The following RAB14 variants were observed in gnomAD, a reference collection of about 807,000 sequenced individuals.
The protein encoded by RAB14 is ras-related protein Rab-14.
Under a neutral mutation model 31.1 loss-of-function variants are expected in RAB14, and 3 were observed. The observed-to-expected ratio is 0.10, with a 90% CI of 0.04 to 0.25. The LOEUF (loss-of-function observed/expected upper bound fraction) is 0.25. Among genes scored for constraint, RAB14 ranks in the 10% least tolerant of loss-of-function variants. The pLI is 1.00. For synonymous variants in RAB14, 85 were observed against 84.9 expected (o/e 1.00, Z 0.00); for missense variants, 111 against 260.1 (o/e 0.43, Z 3.94).
At chr9:121,201,140 G>A (rs922109927) in intron 1 of RAB14, among the ~76,000 whole-genome samples, 2 of 152,108 alleles carry the variant, frequency 1.3e-5, no homozygotes, top group Non-Finnish European at 2.9e-5. Context: ...GACGCCAAGA[G>A]GGCTGCGAAG....
intron 5 of RAB14, among the ~76,000 whole-genome samples, chr9:121,184,988 A>C (rs184165862): frequency 6.0e-4 from 91 of 152,340 alleles, no homozygotes; most frequent in Non-Finnish European, 1.2e-3. Context: ...ATAAAGTGGC[A>C]TGCTAATTAC....
At chr9:121,182,413 TCAC>T (rs2053638249) in intron 7 of RAB14, among the ~76,000 whole-genome samples, 1 of 152,348 alleles carries the variant, frequency 6.6e-6, no homozygotes, top group South Asian at 2.1e-4. Context: ...TAGCCTCTCC[TCAC>T]CACAAGAAAT....
intron 4 of RAB14, among the ~76,000 whole-genome samples, chr9:121,187,602 G>A (rs1355084111): frequency 2.0e-5 from 3 of 151,984 alleles, no homozygotes; most frequent in Admixed American, 2.0e-4. Flanking sequence ...CCAGATATCA[G>A]TGAAAAAGTT....
chr9:121,198,614 C>T (rs961393065), intron 1 of RAB14, among the ~76,000 whole-genome samples: 2 of 152,082 alleles, frequency 1.3e-5, no homozygotes, highest in Admixed American at 6.5e-5. Context: ...TTAACATGCA[C>T]GACGTTTTGT....
At chr9:121,201,198 C>T (rs2053771353) in intron 1 of RAB14, among the ~76,000 whole-genome samples, 1 of 152,206 alleles carries the variant, frequency 6.6e-6, no homozygotes, top group African/African-American at 2.4e-5. Context: ...GACGGGACCG[C>T]CACGTCTGGG....
Position 121,181,281 on chromosome 9 carries a change from TC to T in RAB14, c.*114del. 8.8e-7 allele frequency: 1 copy of T among 1,133,062 alleles called. No individual in the cohort carries two copies. The highest frequency in any genetic ancestry group is 2.5e-5 in the East Asian group (1 of 39,702). 70.2% of individuals were successfully genotyped at this position (1,133,062 alleles called of 1,614,324 possible). ...AAACTGTTTTTACAACAGAGTTTTT[TC>T]TTTTTTTTTAATTAAACCCAGTAAG... On this transcript the variant is annotated 3_prime_UTR_variant, in exon 8 of 8. Coordinates refer to ENST00000373840, the MANE Select transcript of RAB14 (RefSeq NM_016322.4).
chr9:121,181,705 C>T lies in RAB14; in HGVS notation c.471-132G>A. On this transcript the variant is annotated intron_variant, in intron 7 of 7. Transcript: ENST00000373840. ...ACCACTGTCATCTAATAAGAGATTACCAGAACACTGAGCTAAGAGAACATG... is the reference window on the plus strand; with the variant it reads ...ACCACTGTCATCTAATAAGAGATTATCAGAACACTGAGCTAAGAGAACATG... 3 of 527,544 alleles carry T rather than the reference C, an allele frequency of 5.7e-6. No homozygotes were observed. The South Asian group carries it at 1.3e-4, about 24-fold the overall frequency. The allele number at this position is 527,544 out of a possible 1,614,324, so 32.7% of individuals were successfully genotyped here.
intron 3 of RAB14, among the ~76,000 whole-genome samples, chr9:121,191,566 A>T (rs1219638442): frequency 6.6e-6 from 1 of 152,180 alleles, no homozygotes; most frequent in Non-Finnish European, 1.5e-5. Context: ...TAACAAATTT[A>T]TTAGTCCTTT....
rs553424692 is a variant in RAB14, at chr9:121,180,296, T to C, written c.*1100A>G. On this transcript the variant is annotated 3_prime_UTR_variant, in exon 8 of 8. Transcript: ENST00000373840. ...TCCAAGAAGATAAAGGTATAAAAGC[T>C]TAAAATGTGCAATAGTAAACCCAGC... 6.5e-6 allele frequency: 1 copy of C among 152,804 alleles called. No individual in the cohort carries two copies. The highest frequency in any genetic ancestry group is 2.4e-5 in the African/African-American group (1 of 41,586). 9.5% of individuals were successfully genotyped at this position (152,804 alleles called of 1,614,324 possible).
chr9:121,198,373 A>G lies in RAB14; in HGVS notation c.-8+3266T>C, dbSNP rs150543562. The stretch of plus-strand genomic sequence containing the variant: ...GTTCAAAATAGAAAAACCAACACTC[A>G]ATAGTAGAGGGCATATTTTTGGGAG... On this transcript the variant is annotated intron_variant, in intron 1 of 7. Transcript: ENST00000373840. Among the ~76,000 whole-genome samples the G allele has an allele frequency of 3.1e-3, 467 of 152,308 alleles. 1 individual carries two copies. The highest frequency in any genetic ancestry group is 0.011 in the African/African-American group (444 of 41,586).
At chr9:121,198,753 G>A (rs528734815) in intron 1 of RAB14, among the ~76,000 whole-genome samples, 2 of 152,252 alleles carry the variant, frequency 1.3e-5, no homozygotes, top group Non-Finnish European at 2.9e-5. Flanking sequence ...AGACAACACT[G>A]TCTCTGCCTT....
chr9:121,194,219 G>C (rs111978522), intron 1 of RAB14, among the ~76,000 whole-genome samples: 12,003 of 151,980 alleles, frequency 0.079, 503 homozygotes, highest in Non-Finnish European at 0.097. Context: ...TAGGATTACA[G>C]GCATGAGCCA....
intron 1 of RAB14, among the ~76,000 whole-genome samples, chr9:121,196,612 T>C (rs1460907881): frequency 3.3e-5 from 5 of 152,136 alleles, no homozygotes; most frequent in African/African-American, 1.2e-4. Context: ...AGATCCCCTC[T>C]TAACCACCAC....
chr9:121,188,731 A>C (rs1272029827), intron 4 of RAB14, among the ~76,000 whole-genome samples: 1 of 152,070 alleles, frequency 6.6e-6, no homozygotes, highest in Non-Finnish European at 1.5e-5. Flanking sequence ...CTGCAACACC[A>C]AAGTCACTAT....
At chr9:121,186,557 AG>A (rs2053660202) in intron 5 of RAB14, among the ~76,000 whole-genome samples, 1 of 152,158 alleles carries the variant, frequency 6.6e-6, no homozygotes, top group African/African-American at 2.4e-5. Flanking sequence ...ATTTTTATTG[AG>A]GTAACGCAGA....
intron 5 of RAB14, among the ~76,000 whole-genome samples, chr9:121,184,782 A>G (rs2053650740): frequency 6.6e-6 from 1 of 152,214 alleles, no homozygotes; most frequent in South Asian, 2.1e-4. Flanking sequence ...TTCATATACT[A>G]TCCATTAGTA....
At chr9:121,193,694 A>G (rs2053698760) in intron 1 of RAB14, among the ~76,000 whole-genome samples, 1 of 152,164 alleles carries the variant, frequency 6.6e-6, no homozygotes, top group Non-Finnish European at 1.5e-5. Flanking sequence ...CTAGAACTTA[A>G]AAGTATAATT....
At chr9:121,199,974 G>A (rs2053748272) in intron 1 of RAB14, among the ~76,000 whole-genome samples, 1 of 152,210 alleles carries the variant, frequency 6.6e-6, no homozygotes, top group Non-Finnish European at 1.5e-5. Context: ...TACAGGCACT[G>A]ATTTACTATA....
intron 2 of RAB14, among the ~76,000 whole-genome samples, chr9:121,192,658 T>C (rs2053693324): frequency 6.6e-6 from 1 of 152,148 alleles, no homozygotes; most frequent in Non-Finnish European, 1.5e-5. Flanking sequence ...ACTAGGTCCC[T>C]GTCTTATACT....
Sources: gnomAD v4.1 joint callset for allele counts (sites outside exome capture counted in the v4.1 genomes callset) on GRCh38, gnomAD v4.1.1 for gene constraint, MANE v1.5 for transcripts, NCBI Gene and HGNC (gene_info 2026-07-23, HGNC 2026-07-21) for gene names.